NAALADL2: variants seen among roughly 807,000 people sequenced by gnomAD.
NAALADL2 encodes the protein N-acetylated alpha-linked acidic dipeptidase like 2.
A neutral mutation model predicts 87.2 loss-of-function variants in NAALADL2; 76 were observed. The ratio of observed to expected loss-of-function variants is 0.87; its 90% CI spans 0.72 to 1.05. NAALADL2 has a LOEUF of 1.05. Among genes scored for constraint, NAALADL2 ranks in the 50% least tolerant of loss-of-function variants. NAALADL2 has a pLI of 0.00. For missense variants in NAALADL2, 1,089 were observed against 945.8 expected, an observed-to-expected ratio of 1.15 and a Z score of -1.99; for synonymous variants, 354 against 331.0, an observed-to-expected ratio of 1.07 and a Z score of -0.75.
rs146943573 is a variant in NAALADL2 at position 175,103,978 on chromosome 3, C to G, written c.545+6687C>G. 4.2e-3 allele frequency among the ~76,000 whole-genome samples: 643 copies of G among 152,214 alleles called. 3 individuals carry two copies. The highest frequency in any genetic ancestry group is 0.014 in the African/African-American group (586 of 41,534). On this transcript the variant is annotated intron_variant, in intron 2 of 13. Transcript: ENST00000454872. ...TTCTCACCAGTACTAATTTACCATC[C>G]CGTGATATAAGAAAATAAGCACCTG...
intron 10 of NAALADL2, among the ~76,000 whole-genome samples, chr3:175,585,822 T>C (rs1287891886): frequency 6.6e-6 from 1 of 152,216 alleles, no homozygotes; most frequent in Admixed American, 6.5e-5. Context: ...TGCTTTTATG[T>C]TGCATTTGTT....
chr3:174,801,156 T>C (rs1319405794), intron 3 of NAALADL2, among the ~76,000 whole-genome samples: 1 of 152,062 alleles, frequency 6.6e-6, no homozygotes. Flanking sequence ...GGACATGAGA[T>C]TTGGGAGGTG....
chr3:175,481,710 C>A (rs113984983), intron 9 of NAALADL2, among the ~76,000 whole-genome samples: 10 of 151,786 alleles, frequency 6.6e-5, no homozygotes, highest in Admixed American at 6.6e-4. Flanking sequence ...AGGAGGAAAA[C>A]AGATAAATTG....
chr3:174,882,701 A>C (rs543566692), intron 1 of NAALADL2, among the ~76,000 whole-genome samples: 2 of 133,886 alleles, frequency 1.5e-5, no homozygotes, highest in Non-Finnish European at 3.0e-5. Flanking sequence ...GTGTATATAC[A>C]TGTGTATCTA....
chr3:174,742,823 A>C (rs1283194615), intron 3 of NAALADL2, among the ~76,000 whole-genome samples: 1 of 151,678 alleles, frequency 6.6e-6, no homozygotes, highest in Admixed American at 6.6e-5. Flanking sequence ...AAGATAGACA[A>C]ATATGAGAAT....
chr3:175,175,066 T>C (rs1735514667), intron 2 of NAALADL2, among the ~76,000 whole-genome samples: 2 of 152,024 alleles, frequency 1.3e-5, no homozygotes, highest in Admixed American at 6.6e-5. Context: ...ATTTCATAAG[T>C]AGAGATTATA....
At position 175,447,290 on chromosome 3, in the gene NAALADL2, ACC is replaced by A. The variant is rs772640054; in HGVS notation, c.1155_1156del (p.Leu386ArgfsTer11). 8.1e-6 allele frequency: 13 copies of A among 1,608,054 alleles called. No homozygotes were observed. The highest frequency in any genetic ancestry group is 5.9e-6 in the Non-Finnish European group (7 of 1,176,536). On this transcript the variant is annotated frameshift_variant, in exon 6 of 14. Coordinates refer to ENST00000454872, the MANE Select transcript of NAALADL2 (RefSeq NM_207015.3). LOFTEE classifies it high-confidence loss of function. ...TSLLVQPISAPLVAKLISSPK... is the reference protein window; with the variant it reads ...TSLLVQPISAXLVAKLISSPK... ...CTCTATTAGTGCAGCCCATCTCTGC[ACC>A]CCTCGTTGCAAAACTGATCTCTTCG...
At chr3:174,713,441 T>G (rs1411934786) in intron 2 of NAALADL2, among the ~76,000 whole-genome samples, 1 of 151,988 alleles carries the variant, frequency 6.6e-6, no homozygotes, top group Admixed American at 6.6e-5. Flanking sequence ...GTGTTCCTAT[T>G]TCTCCACATC....
rs551543127 is a variant in NAALADL2, at chr3:175,383,221, T to C, written c.1090+58896T>C. Reference sequence around the variant, plus strand: ...AGTCTCTTAGTTGTTTTGAAATACATGTTGTTGTTGTTGTTAACTATAGTC... The same window carrying C: ...AGTCTCTTAGTTGTTTTGAAATACACGTTGTTGTTGTTGTTAACTATAGTC... On this transcript the variant is annotated intron_variant, in intron 5 of 13. Coordinates refer to ENST00000454872, the MANE Select transcript of NAALADL2 (RefSeq NM_207015.3). Among the ~76,000 whole-genome samples, 7 of 152,074 alleles carry C rather than the reference T, an allele frequency of 4.6e-5. No homozygotes were observed. The East Asian group carries it at 1.3e-3, about 29-fold the overall frequency.
At chr3:175,705,843 C>T (rs1196417097) in intron 11 of NAALADL2, among the ~76,000 whole-genome samples, 1 of 152,050 alleles carries the variant, frequency 6.6e-6, no homozygotes, top group East Asian at 1.9e-4. Flanking sequence ...TAACTGTGCT[C>T]CTTGTGAATG....
At chr3:175,548,205 G>A (rs1713712446) in intron 9 of NAALADL2, among the ~76,000 whole-genome samples, 1 of 152,106 alleles carries the variant, frequency 6.6e-6, no homozygotes, top group African/African-American at 2.4e-5. Context: ...TATATACCAT[G>A]GAATACTATG....
intron 4 of NAALADL2, among the ~76,000 whole-genome samples, chr3:175,305,603 ACCTCCACCTCCTC>A (rs1757618993): frequency 6.6e-6 from 1 of 151,008 alleles, no homozygotes; most frequent in Non-Finnish European, 1.5e-5. Flanking sequence ...GCTCACCGCA[ACCTCCACCTCCTC>A]GGTTCAAGTG....
At chr3:175,674,226 AAG>A (rs1734405974) in intron 11 of NAALADL2, among the ~76,000 whole-genome samples, 3 of 151,854 alleles carry the variant, frequency 2.0e-5, no homozygotes, top group East Asian at 3.9e-4. Context: ...TGTTTTGTAA[AAG>A]TGATTTCCAA....
At chr3:175,280,692 C>T (rs995283566) in intron 4 of NAALADL2, among the ~76,000 whole-genome samples, 1 of 151,996 alleles carries the variant, frequency 6.6e-6, no homozygotes, top group South Asian at 2.1e-4. Flanking sequence ...TCCTGATAGG[C>T]TTAAACACAT....
chr3:175,701,207 A>G (rs1582943614), intron 11 of NAALADL2, among the ~76,000 whole-genome samples: 1 of 152,138 alleles, frequency 6.6e-6, no homozygotes, highest in East Asian at 1.9e-4. Flanking sequence ...GAGGTGGGCT[A>G]ACAAGAAGTG....
chr3:174,914,280 C>T (rs955973868), intron 1 of NAALADL2, among the ~76,000 whole-genome samples: 1 of 152,068 alleles, frequency 6.6e-6, no homozygotes, highest in African/African-American at 2.4e-5. Context: ...CCAGGCTGGT[C>T]TCAAACTTTT....
intron 9 of NAALADL2, among the ~76,000 whole-genome samples, chr3:175,508,976 C>T (rs778170810): frequency 1.3e-5 from 2 of 151,902 alleles, no homozygotes; most frequent in African/African-American, 2.4e-5. Flanking sequence ...ATTAGCCAGG[C>T]CTGCTAGCGC....
chr3:174,874,677 A>G (rs1370363689), intron 1 of NAALADL2, among the ~76,000 whole-genome samples: 8 of 152,168 alleles, frequency 5.3e-5, no homozygotes, highest in Non-Finnish European at 1.5e-5. Context: ...AATGAAGTAC[A>G]TTGCAATTCA....
intron 11 of NAALADL2, among the ~76,000 whole-genome samples, chr3:175,649,182 G>A (rs772336112): frequency 2.5e-4 from 38 of 151,984 alleles, no homozygotes; most frequent in Non-Finnish European, 4.6e-4. Flanking sequence ...ACTCTGTTCT[G>A]CAACCTCATT....
Sources: allele counts gnomAD v4.1 joint callset (sites outside exome capture counted in the v4.1 genomes callset), GRCh38; gene constraint gnomAD v4.1.1; transcripts MANE v1.5; gene names NCBI Gene and HGNC (gene_info 2026-07-23, HGNC 2026-07-21).